Variants in HLCS observed in about 807,000 individuals in gnomAD.
The protein encoded by HLCS is holocarboxylase synthetase.
A neutral mutation model predicts 75.0 loss-of-function variants in HLCS; 53 were observed. The observed-to-expected ratio is 0.71, with a 90% confidence interval of 0.57 to 0.89. The LOEUF (loss-of-function observed/expected upper bound fraction) is 0.89. HLCS is among the 40% of genes least tolerant of loss of function. HLCS has a pLI of 0.00. For missense variants in HLCS, 966 were observed against 1,074.0 expected, an observed-to-expected ratio of 0.90 and a Z score of 1.41; for synonymous variants, 431 against 428.6, an observed-to-expected ratio of 1.01 and a Z score of -0.07.
chr21:36,827,079 G>A (rs1408887459), intron 6 of HLCS, among the ~76,000 whole-genome samples: 2 of 152,076 alleles, frequency 1.3e-5, no homozygotes, highest in African/African-American at 4.8e-5. Flanking sequence ...TGCTTAAGGC[G>A]GCCCAATAGA....
chr21:36,859,954 C>A (rs2063327102), intron 6 of HLCS, among the ~76,000 whole-genome samples: 1 of 152,190 alleles, frequency 6.6e-6, no homozygotes, highest in African/African-American at 2.4e-5. Context: ...TGGCCCTGAC[C>A]CCATCCTGAA....
intron 2 of HLCS, among the ~76,000 whole-genome samples, chr21:36,957,941 A>G (rs2068055564): frequency 7.6e-6 from 1 of 130,758 alleles, no homozygotes; most frequent in South Asian, 2.4e-4. Context: ...AAAAAAAAAA[A>G]AAGAGGCCGG....
intron 6 of HLCS, among the ~76,000 whole-genome samples, chr21:36,846,306 T>A (rs1164559731): frequency 6.6e-6 from 1 of 152,200 alleles, no homozygotes; most frequent in African/African-American, 2.4e-5. Context: ...AAATACACAG[T>A]AGGCACTCAA....
chr21:36,856,791 G>T (rs539968115), intron 6 of HLCS, among the ~76,000 whole-genome samples: 142 of 152,284 alleles, frequency 9.3e-4, no homozygotes, highest in African/African-American at 3.3e-3. Flanking sequence ...TATGAGGCGG[G>T]TATGAGCCAG....
At chr21:36,916,531 T>C (rs2146426381) in intron 5 of HLCS, among the ~76,000 whole-genome samples, 1 of 147,508 alleles carries the variant, frequency 6.8e-6, no homozygotes. Flanking sequence ...TTTTTTTTTT[T>C]TTTTTTTTTT....
intron 6 of HLCS, among the ~76,000 whole-genome samples, chr21:36,802,487 T>A (rs2061236096): frequency 6.6e-6 from 1 of 152,258 alleles, no homozygotes; most frequent in Non-Finnish European, 1.5e-5. Context: ...TTTCACTATG[T>A]CTTATTTATT....
chr21:36,959,786 G>A (rs988683880), intron 2 of HLCS, among the ~76,000 whole-genome samples: 1 of 152,204 alleles, frequency 6.6e-6, no homozygotes, highest in Admixed American at 6.5e-5. Context: ...TCTCTGCCTT[G>A]CTCACCCTCC....
rs1244039893 is a variant in HLCS at position 36,942,420 on chromosome 21, A to G, written c.331-3426T>C. Among the ~76,000 whole-genome samples the G allele has an allele frequency of 1.4e-4, 17 of 118,164 alleles. No homozygotes were observed. The East Asian group carries it at 2.9e-3, about 20-fold the overall frequency. 77.5% of individuals were successfully genotyped at this position (118,164 alleles called of 152,430 possible). On this transcript the variant is annotated intron_variant, in intron 2 of 10. Transcript: ENST00000674895. ...TCTCAAAAAAAAAAAAAAAAAAAAAAAAAAAAAGAATGAGGATAAACCTCT... is the reference window on the plus strand; with the variant it reads ...TCTCAAAAAAAAAAAAAAAAAAAAAGAAAAAAAGAATGAGGATAAACCTCT...
intron 6 of HLCS, among the ~76,000 whole-genome samples, chr21:36,807,501 G>A (rs1405793045): frequency 6.6e-6 from 1 of 152,078 alleles, no homozygotes; most frequent in East Asian, 1.9e-4. Context: ...CACCCTAAGG[G>A]GCCCACTGTT....
chr21:36,819,695 C>G (rs970182622), intron 6 of HLCS, among the ~76,000 whole-genome samples: 1 of 152,048 alleles, frequency 6.6e-6, no homozygotes, highest in Non-Finnish European at 1.5e-5. Flanking sequence ...AACTGAGGCT[C>G]AGAGAGGGCG....
chr21:36,985,478 C>A (rs1246379397), intron 1 of HLCS, among the ~76,000 whole-genome samples: 1 of 150,332 alleles, frequency 6.7e-6, no homozygotes, highest in Non-Finnish European at 1.5e-5. Flanking sequence ...ACTAAAAATA[C>A]AAAAATTCGC....
At chr21:36,797,726 C>T (rs958840430) in intron 6 of HLCS, among the ~76,000 whole-genome samples, 10 of 152,184 alleles carry the variant, frequency 6.6e-5, no homozygotes, top group African/African-American at 1.2e-4. Context: ...TGGAGAGAGC[C>T]GTTAGCGTAG....
intron 6 of HLCS, among the ~76,000 whole-genome samples, chr21:36,811,202 T>C (rs1233555790): frequency 6.6e-6 from 1 of 152,246 alleles, no homozygotes; most frequent in Non-Finnish European, 1.5e-5. Flanking sequence ...ATTGGACTGA[T>C]AACGTATCTA....
chr21:36,812,972 T>C (rs1276020907), intron 6 of HLCS, among the ~76,000 whole-genome samples: 2 of 152,122 alleles, frequency 1.3e-5, no homozygotes, highest in African/African-American at 2.4e-5. Flanking sequence ...GGTGGAAGGA[T>C]TGCCTGAGCC....
intron 7 of HLCS, among the ~76,000 whole-genome samples, chr21:36,765,453 T>C (rs1212281371): frequency 3.9e-5 from 6 of 152,200 alleles, no homozygotes; most frequent in Non-Finnish European, 5.9e-5. Flanking sequence ...AACATGACTA[T>C]ATGACTATAG....
intron 6 of HLCS, among the ~76,000 whole-genome samples, chr21:36,879,236 C>T (rs2146263935): frequency 6.6e-6 from 1 of 152,298 alleles, no homozygotes; most frequent in East Asian, 1.9e-4. Context: ...TTTTATAATT[C>T]ACCAAGTATC....
At chr21:36,904,811 T>C (rs1190833021) in intron 5 of HLCS, among the ~76,000 whole-genome samples, 1 of 152,118 alleles carries the variant, frequency 6.6e-6, no homozygotes, top group Non-Finnish European at 1.5e-5. Flanking sequence ...TAATAATACA[T>C]GTAGGGAAAA....
chr21:36,966,613 T>C lies in HLCS; in HGVS notation c.26A>G (p.Tyr9Cys). The C allele has an allele frequency of 1.0e-6, 1 of 990,586 alleles. No homozygotes were observed. The highest frequency in any genetic ancestry group is 1.2e-6 in the Non-Finnish European group (1 of 835,474). The allele number at this position is 990,586 out of a possible 1,614,324, so 61.4% of individuals were successfully genotyped here. A position where few individuals can be genotyped will look rare whatever the true frequency, so the allele number is the denominator to read the frequency against. Residue 9 changes from tyrosine (Y) to cysteine (C), a missense_variant, in exon 1 of 11, where the codon TAC (tyrosine) becomes TGC (cysteine). Coordinates refer to ENST00000674895, the MANE Select transcript of HLCS (RefSeq NM_001352514.2). MLITLCYL[Y>C]LWARWGRRPA... ...CCGGCGACCCCAGCGCGCCCACAGG[T>C]ACAGGTAGCACAGCGTGATGAGCAT...
At chr21:36,834,658 C>T (rs866181765) in intron 6 of HLCS, among the ~76,000 whole-genome samples, 11 of 152,304 alleles carry the variant, frequency 7.2e-5, no homozygotes, top group South Asian at 2.1e-4. Context: ...TGGGTTCAAG[C>T]GAGTCTCCTG....
Sources: gnomAD v4.1 joint callset for allele counts (sites outside exome capture counted in the v4.1 genomes callset) on GRCh38, gnomAD v4.1.1 for gene constraint, MANE v1.5 for transcripts, NCBI Gene and HGNC (gene_info 2026-07-23, HGNC 2026-07-21) for gene names.